Variants in ZRANB3 observed in about 807,000 individuals in gnomAD.
ZRANB3 encodes DNA annealing helicase and endonuclease ZRANB3.
ZRANB3 carries 125 observed loss-of-function variants against 133.8 expected under a neutral mutation model. That is an observed-to-expected ratio of 0.93 (90% CI 0.81 to 1.08). ZRANB3 has a LOEUF of 1.08. Ranked by LOEUF, ZRANB3 falls within the 50% of genes least tolerant of loss-of-function variation. The probability of loss-of-function intolerance (pLI) is 0.00; values close to 1 mark genes in which losing one functional copy is unlikely to be tolerated. For missense variants in ZRANB3, 1,229 were observed against 1,275.5 expected (o/e 0.96, Z 0.56); for synonymous variants, 387 against 432.7 (o/e 0.89, Z 1.31).
intron 17 of ZRANB3, among the ~76,000 whole-genome samples, chr2:135,210,565 T>C (rs575337593): frequency 2.6e-4 from 39 of 151,042 alleles, no homozygotes; most frequent in Middle Eastern, 3.4e-3. Context: ...CTGGCCTCAA[T>C]TGATCCGCCT....
intron 15 of ZRANB3, among the ~76,000 whole-genome samples, chr2:135,222,740 T>C (rs1694604343): frequency 6.6e-6 from 1 of 152,044 alleles, no homozygotes; most frequent in South Asian, 2.1e-4. Flanking sequence ...GAAAATATAA[T>C]TATTTTAAAT....
chr2:135,370,128 TAAAC>T (rs1224203393), intron 3 of ZRANB3, among the ~76,000 whole-genome samples: 2 of 151,768 alleles, frequency 1.3e-5, no homozygotes, highest in Non-Finnish European at 2.9e-5. Flanking sequence ...GGACGTGGCT[TAAAC>T]AAAAACAAGC....
chr2:135,270,950 T>C (rs1680482711), intron 10 of ZRANB3, among the ~76,000 whole-genome samples: 1 of 152,348 alleles, frequency 6.6e-6, no homozygotes, highest in East Asian at 1.9e-4. Flanking sequence ...CTTTCCCTAA[T>C]ATCTATCCTT....
At chr2:135,382,867 T>C (rs1574009690) in intron 3 of ZRANB3, among the ~76,000 whole-genome samples, 1 of 152,064 alleles carries the variant, frequency 6.6e-6, no homozygotes, top group Non-Finnish European at 1.5e-5. Flanking sequence ...GAAAAACCAC[T>C]ACAAGCCACT....
chr2:135,216,803 T>C (rs1396612821), intron 17 of ZRANB3, among the ~76,000 whole-genome samples: 1 of 152,130 alleles, frequency 6.6e-6, no homozygotes, highest in Admixed American at 6.5e-5. Context: ...CTGATAATCC[T>C]TGCTTCATGC....
At chr2:135,224,340 G>A (rs1694671813) in intron 15 of ZRANB3, 86 bp downstream of exon 15, 2 of 1,023,648 alleles carry the variant, frequency 2.0e-6, no homozygotes, top group African/African-American at 1.6e-5. Flanking sequence ...TTATCTCAAT[G>A]TTAATAAAAT....
At chr2:135,284,980 G>A (rs1434845630) in intron 8 of ZRANB3, among the ~76,000 whole-genome samples, 2 of 151,526 alleles carry the variant, frequency 1.3e-5, no homozygotes, top group Non-Finnish European at 2.9e-5. Flanking sequence ...TGAGCAGCTG[G>A]GATTACAGGC....
intron 2 of ZRANB3, among the ~76,000 whole-genome samples, chr2:135,449,465 CAA>C (rs1183632243): frequency 6.6e-6 from 1 of 151,980 alleles, no homozygotes; most frequent in East Asian, 1.9e-4. Context: ...ACTAAAAATA[CAA>C]AAATTAGCCA....
At chr2:135,251,425 T>A (rs1679388035) in intron 12 of ZRANB3, among the ~76,000 whole-genome samples, 1 of 152,158 alleles carries the variant, frequency 6.6e-6, no homozygotes, top group Admixed American at 6.5e-5. Flanking sequence ...TGTAAGGACA[T>A]GAGATTTGGA....
At chr2:135,355,570 T>C (rs55913933) in intron 3 of ZRANB3, among the ~76,000 whole-genome samples, 6,743 of 152,112 alleles carry the variant, frequency 0.044, 498 homozygotes, top group African/African-American at 0.16. Context: ...TTGGTCAGGC[T>C]GGTCTCAAAC....
chr2:135,378,912 T>C (rs1686554830), intron 3 of ZRANB3, among the ~76,000 whole-genome samples: 1 of 152,172 alleles, frequency 6.6e-6, no homozygotes, highest in Non-Finnish European at 1.5e-5. Context: ...TAAAGAGACA[T>C]TGCTAATATG....
intron 6 of ZRANB3, among the ~76,000 whole-genome samples, chr2:135,344,856 T>G (rs1362344412): frequency 1.3e-5 from 2 of 152,140 alleles, no homozygotes; most frequent in Non-Finnish European, 2.9e-5. Context: ...AATGCACAAA[T>G]TGTGCTATAT....
intron 5 of ZRANB3, among the ~76,000 whole-genome samples, chr2:135,346,863 T>C (rs1226206244): frequency 6.6e-6 from 1 of 152,214 alleles, no homozygotes; most frequent in African/African-American, 2.4e-5. Flanking sequence ...ATTCACATAG[T>C]TGTGCATCAA....
intron 8 of ZRANB3, among the ~76,000 whole-genome samples, chr2:135,282,691 G>C (rs749437664): frequency 2.0e-5 from 3 of 152,180 alleles, no homozygotes; most frequent in Non-Finnish European, 2.9e-5. Context: ...CTGAAAAGTA[G>C]ATGGGATACA....
chr2:135,303,488 G>C (rs1349566416), intron 8 of ZRANB3, among the ~76,000 whole-genome samples: 2 of 152,004 alleles, frequency 1.3e-5, no homozygotes, highest in African/African-American at 4.8e-5. Flanking sequence ...TCCCTATTGA[G>C]TTACCTTGTC....
At chr2:135,374,559 T>C (rs1686332510) in intron 3 of ZRANB3, among the ~76,000 whole-genome samples, 1 of 150,582 alleles carries the variant, frequency 6.6e-6, no homozygotes, top group African/African-American at 2.4e-5. Flanking sequence ...TGGAGTGCAA[T>C]GGCGTAATCA....
chr2:135,303,785 T>C (rs1300631771), intron 8 of ZRANB3, among the ~76,000 whole-genome samples: 1 of 152,196 alleles, frequency 6.6e-6, no homozygotes, highest in East Asian at 1.9e-4. Context: ...ATGAACATAA[T>C]CTATCTGTTG....
chr2:135,453,667 C>T (rs1690373019), intron 2 of ZRANB3, among the ~76,000 whole-genome samples: 1 of 152,210 alleles, frequency 6.6e-6, no homozygotes, highest in African/African-American at 2.4e-5. Context: ...CAATTCCCAA[C>T]AAGTTCCTCA....
At chr2:135,326,082 G>C (rs1460096299) in intron 6 of ZRANB3, among the ~76,000 whole-genome samples, 1 of 152,106 alleles carries the variant, frequency 6.6e-6, no homozygotes, top group African/African-American at 2.4e-5. Context: ...AGCCTTATTT[G>C]GGTACTGATC....
Sources: gnomAD v4.1 joint callset for allele counts (sites outside exome capture counted in the v4.1 genomes callset) on GRCh38, gnomAD v4.1.1 for gene constraint, MANE v1.5 for transcripts, NCBI Gene and HGNC (gene_info 2026-07-23, HGNC 2026-07-21) for gene names.